The following CACNB2 variants were observed in gnomAD, a reference collection of about 807,000 sequenced individuals.
CACNB2 encodes calcium voltage-gated channel auxiliary subunit beta 2.
Under a neutral mutation model 73.3 loss-of-function variants are expected in CACNB2, and 42 were observed. The observed-to-expected ratio is 0.57, with a 90% CI of 0.45 to 0.74. The LOEUF is 0.74. CACNB2 is among the 30% of genes least tolerant of loss of function. The probability of loss-of-function intolerance (pLI) is 0.00; values close to 1 mark genes in which losing one functional copy is unlikely to be tolerated. For missense variants in CACNB2, 940 were observed against 853.0 expected, an observed-to-expected ratio of 1.10 and a Z score of -1.27; for synonymous variants, 348 against 310.3, an observed-to-expected ratio of 1.12 and a Z score of -1.28.
intron 4 of CACNB2, among the ~76,000 whole-genome samples, chr10:18,500,095 T>G (rs2133031305): frequency 6.6e-6 from 1 of 152,306 alleles, no homozygotes; most frequent in East Asian, 1.9e-4. Flanking sequence ...AGAATCTCAC[T>G]TTACACCAGG....
chr10:18,446,356 C>G (rs1336411197), intron 3 of CACNB2, among the ~76,000 whole-genome samples: 1 of 152,172 alleles, frequency 6.6e-6, no homozygotes, highest in Non-Finnish European at 1.5e-5. Context: ...GCAAACTAAT[C>G]TGGCTTGAAA....
In CACNB2 at chr10:18,420,625, C is replaced by G. The variant is rs138698714; in HGVS notation, c.333+18582C>G. The stretch of plus-strand genomic sequence containing the variant: ...CACATTGGAGAAGGCAGTCAACTTA[C>G]TCAGTCCACCAATTCAAATGCTAAT... On this transcript the variant is annotated intron_variant, in intron 3 of 13. Transcript: ENST00000324631. Among the ~76,000 whole-genome samples the G allele has an allele frequency of 4.0e-3, 607 of 152,336 alleles. 4 individuals are homozygous for G. The highest frequency in any genetic ancestry group is 6.8e-3 in the Middle Eastern group (2 of 294).
intron 2 of CACNB2, among the ~76,000 whole-genome samples, chr10:18,349,072 A>T (rs2132122935): frequency 6.6e-6 from 1 of 152,328 alleles, no homozygotes; most frequent in East Asian, 1.9e-4. Context: ...GTGAGCTGTG[A>T]TCGTGCTTCT....
At chr10:18,430,051 C>T (rs576044565) in intron 3 of CACNB2, among the ~76,000 whole-genome samples, 145 of 151,926 alleles carry the variant, frequency 9.5e-4, no homozygotes, top group Non-Finnish European at 1.5e-3. Context: ...GGTTTTACCC[C>T]ACATTATTTT....
intron 2 of CACNB2, among the ~76,000 whole-genome samples, chr10:18,378,151 G>A (rs570255087): frequency 7.2e-5 from 11 of 152,236 alleles, no homozygotes; most frequent in African/African-American, 2.4e-4. Context: ...ACAGGGACAC[G>A]CAACTGATAA....
At chr10:18,328,667 T>C (rs1327692579) in intron 2 of CACNB2, among the ~76,000 whole-genome samples, 1 of 152,184 alleles carries the variant, frequency 6.6e-6, no homozygotes, top group African/African-American at 2.4e-5. Flanking sequence ...CAGTGTAGAA[T>C]AGCAAGACAT....
rs923408115 is a variant in CACNB2, at chr10:18,475,278, G to A, written c.334-23077G>A. On this transcript the variant is annotated intron_variant, in intron 3 of 13. Transcript: ENST00000324631. ...ATTGACTAAATCACTGGCCACTGGCGATTAAGTCAGTCTCCAACCCTTTTC... is the reference window on the plus strand; with the variant it reads ...ATTGACTAAATCACTGGCCACTGGCAATTAAGTCAGTCTCCAACCCTTTTC... 4.1e-4 allele frequency among the ~76,000 whole-genome samples: 62 copies of A among 152,044 alleles called. 1 individual carries two copies. Among genetic ancestry groups the A allele is most frequent in the African/African-American group, 1.4e-3 (59 of 41,470 alleles).
chr10:18,261,801 T>C (rs998996451), intron 2 of CACNB2, among the ~76,000 whole-genome samples: 6 of 152,184 alleles, frequency 3.9e-5, no homozygotes, highest in Admixed American at 1.3e-4. Context: ...ACACAGCTGT[T>C]GCAACAGCTT....
At chr10:18,472,344 C>A (rs1174707827) in intron 3 of CACNB2, among the ~76,000 whole-genome samples, 1 of 145,774 alleles carries the variant, frequency 6.9e-6, no homozygotes, top group Non-Finnish European at 1.5e-5. Context: ...TCAAGTGATT[C>A]TTTTGCCTCA....
intron 2 of CACNB2, among the ~76,000 whole-genome samples, chr10:18,361,002 A>C (rs1281233888): frequency 1.3e-5 from 2 of 151,572 alleles, no homozygotes; most frequent in Admixed American, 6.6e-5. Context: ...TCCCTCCTTC[A>C]TCTCATTGTG....
intron 7 of CACNB2, among the ~76,000 whole-genome samples, chr10:18,517,357 C>T (rs529466731): frequency 8.5e-5 from 13 of 152,070 alleles, no homozygotes; most frequent in African/African-American, 2.7e-4. Context: ...TAATATAAAC[C>T]AATTTGCTGT....
chr10:18,317,007 AC>A (rs2040211780), intron 2 of CACNB2, among the ~76,000 whole-genome samples: 1 of 152,048 alleles, frequency 6.6e-6, no homozygotes, highest in South Asian at 2.1e-4. Context: ...TTTGCTTTTT[AC>A]CTCTACCACC....
intron 2 of CACNB2, among the ~76,000 whole-genome samples, chr10:18,237,144 C>T (rs1455192393): frequency 6.6e-6 from 1 of 152,144 alleles, no homozygotes; most frequent in Non-Finnish European, 1.5e-5. Flanking sequence ...TAGCAACCTA[C>T]TCTTGGGGTC....
chr10:18,317,254 TA>T (rs2040227053), intron 2 of CACNB2, among the ~76,000 whole-genome samples: 1 of 151,884 alleles, frequency 6.6e-6, no homozygotes, highest in Admixed American at 6.6e-5. Flanking sequence ...AAATCTTTTT[TA>T]AAAGTTTAGA....
At chr10:18,499,448 C>A (rs968212649) in intron 4 of CACNB2, among the ~76,000 whole-genome samples, 6 of 151,832 alleles carry the variant, frequency 4.0e-5, no homozygotes, top group African/African-American at 1.5e-4. Flanking sequence ...AACCCCGTCT[C>A]CACTAAAAAT....
chr10:18,259,570 A>AAAAAAAAAAAAAAAGAAAAC (rs1554779378), intron 2 of CACNB2, among the ~76,000 whole-genome samples: 2 of 116,956 alleles, frequency 1.7e-5, no homozygotes, highest in African/African-American at 3.3e-5. Context: ...CAAACAAAAA[A>AAAAAAAAAAAAAAAGAAAAC]AAAAAGTAAA....
chr10:18,281,834 G>C (rs192819112), intron 2 of CACNB2, among the ~76,000 whole-genome samples: 1 of 152,046 alleles, frequency 6.6e-6, no homozygotes, highest in African/African-American at 2.4e-5. Context: ...CAAAAAATTA[G>C]CCGGGCATGA....
chr10:18,366,464 C>CA (rs58231666), intron 2 of CACNB2, among the ~76,000 whole-genome samples: 29,686 of 99,298 alleles, frequency 0.3, 4,072 homozygotes, highest in East Asian at 0.68. Flanking sequence ...GACTCCGTCT[C>CA]AAAAAAAAAA....
chr10:18,440,978 G>A (rs1161338926), intron 3 of CACNB2, among the ~76,000 whole-genome samples: 1 of 152,206 alleles, frequency 6.6e-6, no homozygotes, highest in Non-Finnish European at 1.5e-5. Context: ...AATCTTAAAA[G>A]CCCTCATAAA....
Sources: gnomAD v4.1 joint callset for allele counts (sites outside exome capture counted in the v4.1 genomes callset) on GRCh38, gnomAD v4.1.1 for gene constraint, MANE v1.5 for transcripts, NCBI Gene and HGNC (gene_info 2026-07-23, HGNC 2026-07-21) for gene names.